The following IMMP2L variants were observed in gnomAD, a reference collection of about 807,000 sequenced individuals.
IMMP2L encodes inner mitochondrial membrane peptidase subunit 2, also known as mitochondrial inner membrane protease subunit 2.
In IMMP2L, 18 loss-of-function variants were observed where a neutral mutation model predicts 19.3. The observed-to-expected ratio is 0.93, with a 90% CI of 0.64 to 1.38. IMMP2L has a LOEUF of 1.38. Ranked by LOEUF, IMMP2L falls within the 40% of genes most tolerant of loss-of-function variation. The pLI, the probability that IMMP2L is intolerant of heterozygous loss-of-function variation, is 0.00. For missense variants in IMMP2L, 233 were observed against 218.2 expected, an observed-to-expected ratio of 1.07 and a Z score of -0.43; for synonymous variants, 76 against 73.0, an observed-to-expected ratio of 1.04 and a Z score of -0.21.
At chr7:110,984,110 G>T (rs17158220) in intron 3 of IMMP2L, among the ~76,000 whole-genome samples, 10,575 of 151,884 alleles carry the variant, frequency 0.07, 468 homozygotes, top group East Asian at 0.14. Flanking sequence ...ATCTCTTACT[G>T]TTTAACGGAG....
chr7:111,182,312 C>A (rs1361249908), intron 3 of IMMP2L, among the ~76,000 whole-genome samples: 1 of 151,914 alleles, frequency 6.6e-6, no homozygotes, highest in Non-Finnish European at 1.5e-5. Context: ...GTTTCTATTA[C>A]CTTCAGGTAT....
intron 3 of IMMP2L, among the ~76,000 whole-genome samples, chr7:111,361,573 A>G (rs895912219): frequency 6.6e-6 from 1 of 152,136 alleles, no homozygotes; most frequent in Non-Finnish European, 1.5e-5. Flanking sequence ...GTCTTGTTCT[A>G]TCGAAACTCA....
At chr7:110,745,920 A>G (rs1179193911) in intron 5 of IMMP2L, among the ~76,000 whole-genome samples, 1 of 152,214 alleles carries the variant, frequency 6.6e-6, no homozygotes, top group East Asian at 1.9e-4. Context: ...TTAAATGTAA[A>G]TGGGCTAAAT....
At position 111,361,614 on chromosome 7, in the gene IMMP2L, T is replaced by C. The variant is rs1032933714; in HGVS notation, c.239+125624A>G. On this transcript the variant is annotated intron_variant, in intron 3 of 5. Coordinates refer to ENST00000405709, the MANE Select transcript of IMMP2L (RefSeq NM_032549.4). ...ACATTTACTTGTTCAAGGGACTATG[T>C]TGATCCAAAGATTTCCCTTCAGGAA... Among the ~76,000 whole-genome samples, 14 of 152,124 alleles carry C rather than the reference T, an allele frequency of 9.2e-5. No homozygotes were observed. The East Asian group carries it at 1.3e-3, about 15-fold the overall frequency.
intron 3 of IMMP2L, among the ~76,000 whole-genome samples, chr7:111,356,176 T>C (rs1351848469): frequency 1.3e-5 from 2 of 152,040 alleles, no homozygotes; most frequent in South Asian, 4.1e-4. Context: ...CTCAGATTCC[T>C]TTTAGGCTAG....
chr7:110,663,982 T>C (rs1472273392), intron 5 of IMMP2L, among the ~76,000 whole-genome samples: 1 of 152,160 alleles, frequency 6.6e-6, no homozygotes, highest in Non-Finnish European at 1.5e-5. Context: ...GTTCTGTTAG[T>C]ATTTCCCTTT....
chr7:111,465,627 A>C (rs2132049572), intron 3 of IMMP2L, among the ~76,000 whole-genome samples: 1 of 152,166 alleles, frequency 6.6e-6, no homozygotes, highest in Non-Finnish European at 1.5e-5. Flanking sequence ...ACAATGAGAT[A>C]CCATCTCACA....
At chr7:111,536,573 C>A (rs1847906571) in intron 1 of IMMP2L, among the ~76,000 whole-genome samples, 1 of 152,112 alleles carries the variant, frequency 6.6e-6, no homozygotes, top group Non-Finnish European at 1.5e-5. Flanking sequence ...TCCGGAAGTG[C>A]TGGGATTACA....
chr7:110,975,741 A>G (rs543909507), intron 3 of IMMP2L, among the ~76,000 whole-genome samples: 1 of 152,248 alleles, frequency 6.6e-6, no homozygotes, highest in East Asian at 1.9e-4. Context: ...ATATGAGTCA[A>G]GAGACACACT....
intron 5 of IMMP2L, 97 bp from the exon 6 acceptor site, chr7:110,663,818 T>A: frequency 1.3e-6 from 1 of 793,302 alleles, no homozygotes; most frequent in Non-Finnish European, 1.9e-6. Flanking sequence ...AGGTTTAACA[T>A]CCCAGGGAGA....
chr7:111,516,879 G>A (rs1018525601), intron 2 of IMMP2L, among the ~76,000 whole-genome samples: 1 of 152,074 alleles, frequency 6.6e-6, no homozygotes, highest in South Asian at 2.1e-4. Context: ...ACCAAGGTGA[G>A]TGACGACACA....
chr7:110,713,654 T>G (rs1584582952), intron 5 of IMMP2L, among the ~76,000 whole-genome samples: 1 of 2,970 alleles, frequency 3.4e-4, no homozygotes, highest in South Asian at 5.1e-3. Context: ...TTTTAGGTGT[T>G]TTTTTTTTTT....
intron 3 of IMMP2L, among the ~76,000 whole-genome samples, chr7:111,023,871 A>T (rs1826549448): frequency 6.6e-6 from 1 of 152,234 alleles, no homozygotes; most frequent in Non-Finnish European, 1.5e-5. Context: ...CATGACTCTC[A>T]TCAAATTTTC....
At chr7:111,497,417 C>A (rs549517514) in intron 2 of IMMP2L, among the ~76,000 whole-genome samples, 14 of 152,088 alleles carry the variant, frequency 9.2e-5, no homozygotes, top group Admixed American at 2.0e-4. Flanking sequence ...AAGCTCAATA[C>A]CAATAATAGG....
At chr7:111,275,170 G>A (rs1220070055) in intron 3 of IMMP2L, among the ~76,000 whole-genome samples, 1 of 152,108 alleles carries the variant, frequency 6.6e-6, no homozygotes. Context: ...ACAGAGACAA[G>A]GAATACAGGT....
chr7:110,994,045 G>A (rs1489889078), intron 3 of IMMP2L, among the ~76,000 whole-genome samples: 1 of 150,208 alleles, frequency 6.7e-6, no homozygotes. Context: ...GTCCCTCTCT[G>A]TGCCATCTCT....
chr7:110,963,292 A>G (rs1819159776), intron 4 of IMMP2L, among the ~76,000 whole-genome samples: 1 of 151,958 alleles, frequency 6.6e-6, no homozygotes, highest in Admixed American at 6.6e-5. Context: ...TATACTTCAC[A>G]ATTAAAGAAT....
intron 2 of IMMP2L, among the ~76,000 whole-genome samples, chr7:111,504,963 C>T (rs1176563349): frequency 5.9e-5 from 9 of 151,720 alleles, no homozygotes; most frequent in African/African-American, 1.2e-4. Flanking sequence ...AAAGCCAAAA[C>T]TGACAAATGG....
rs1377509322 is a variant in IMMP2L at position 111,281,086 on chromosome 7, AAGAGAGAGAAAGAGAGAAAG to A, written c.239+206132_239+206151del. Among the ~76,000 whole-genome samples, 313 of 132,162 alleles carry A rather than the reference AAGAGAGAGAAAGAGAGAAAG, an allele frequency of 2.4e-3. 8 individuals carry two copies. The highest frequency in any genetic ancestry group is 2.9e-3 in the African/African-American group (94 of 32,272). The allele number at this position is 132,162 out of a possible 152,430, so 86.7% of individuals were successfully genotyped here. On this transcript the variant is annotated intron_variant, in intron 3 of 5. Coordinates refer to ENST00000405709, the MANE Select transcript of IMMP2L (RefSeq NM_032549.4). ...CTCTGAGAAAAGAAAGAAAGAAGGA[AAGAGAGAGAAAGAGAGAAAG>A]AGAGAAAGAGAGAAAGAGAGAAAGA...
Sources: allele counts gnomAD v4.1 joint callset (sites outside exome capture counted in the v4.1 genomes callset), GRCh38; gene constraint gnomAD v4.1.1; transcripts MANE v1.5; gene names NCBI Gene and HGNC (gene_info 2026-07-23, HGNC 2026-07-21).